LUZP2: variants seen among roughly 807,000 people sequenced by gnomAD.
LUZP2 encodes the protein leucine zipper protein 2.
In LUZP2, 52 loss-of-function variants were observed where a neutral mutation model predicts 51.6. That is an observed-to-expected ratio of 1.01 (90% CI 0.81 to 1.27). LUZP2 has a LOEUF of 1.27. Among genes scored for constraint, LUZP2 ranks in the 50% most tolerant of loss-of-function variants. LUZP2 has a pLI of 0.00. For missense variants in LUZP2, 436 were observed against 395.4 expected, an observed-to-expected ratio of 1.10 and a Z score of -0.87; for synonymous variants, 154 against 137.3, an observed-to-expected ratio of 1.12 and a Z score of -0.85.
At chr11:24,729,336 A>G (rs1858620838) in intron 2 of LUZP2, 50 bp downstream of exon 2, 1 of 963,784 alleles carries the variant, frequency 1.0e-6, no homozygotes, top group African/African-American at 1.7e-5. Context: ...CAGTCATCTG[A>G]TTTTCTGAGT....
intron 7 of LUZP2, among the ~76,000 whole-genome samples, chr11:24,924,131 G>T (rs1565115666): frequency 6.6e-6 from 1 of 150,952 alleles, no homozygotes; most frequent in Admixed American, 6.6e-5. Context: ...AGGCTGGAGT[G>T]CAGTGGCGTG....
chr11:24,794,467 C>G (rs2716546), intron 5 of LUZP2, among the ~76,000 whole-genome samples: 152,247 of 152,276 alleles, frequency 1, 76,109 homozygotes, highest in Non-Finnish European at 1. Flanking sequence ...TCCTTGAAGG[C>G]GAATCAAGAG....
chr11:24,557,948 TGTGTGTCTGTGAGG>T (rs1382450224), intron 1 of LUZP2, among the ~76,000 whole-genome samples: 1 of 152,094 alleles, frequency 6.6e-6, no homozygotes, highest in Non-Finnish European at 1.5e-5. Context: ...AGCTGCCCCA[TGTGTGTCTGTGAGG>T]GTGTTTGCAG....
At chr11:24,917,246 T>A (rs1020824083) in intron 7 of LUZP2, among the ~76,000 whole-genome samples, 1 of 152,188 alleles carries the variant, frequency 6.6e-6, no homozygotes, top group Admixed American at 6.5e-5. Flanking sequence ...CTTTGACAGA[T>A]GAGTAGATTG....
chr11:25,008,325 C>A (rs1324421075), intron 9 of LUZP2, among the ~76,000 whole-genome samples: 1 of 152,210 alleles, frequency 6.6e-6, no homozygotes, highest in African/African-American at 2.4e-5. Flanking sequence ...ATGGCAGCAA[C>A]CATGGAGGCC....
intron 1 of LUZP2, among the ~76,000 whole-genome samples, chr11:24,521,065 G>T (rs1850623014): frequency 1.3e-5 from 2 of 152,154 alleles, no homozygotes; most frequent in African/African-American, 4.8e-5. Flanking sequence ...AAAACAGATT[G>T]TGTGGCTGGG....
At chr11:24,919,656 A>T (rs1179695038) in intron 7 of LUZP2, among the ~76,000 whole-genome samples, 1 of 148,920 alleles carries the variant, frequency 6.7e-6, no homozygotes, top group Admixed American at 6.8e-5. Context: ...GTATGTTTAT[A>T]CATGCATACA....
intron 5 of LUZP2, among the ~76,000 whole-genome samples, chr11:24,785,568 TAAGAA>T (rs997040679): frequency 1.3e-5 from 2 of 151,936 alleles, no homozygotes; most frequent in Admixed American, 1.3e-4. Context: ...AATATAAATA[TAAGAA>T]GAGTATGACA....
intron 5 of LUZP2, among the ~76,000 whole-genome samples, chr11:24,875,574 T>C (rs1415269859): frequency 6.8e-6 from 1 of 146,984 alleles, no homozygotes; most frequent in Admixed American, 6.9e-5. Flanking sequence ...CGTGTGCATG[T>C]GTTTTTATAG....
intron 5 of LUZP2, among the ~76,000 whole-genome samples, chr11:24,785,048 A>C (rs975620761): frequency 6.6e-6 from 1 of 151,952 alleles, no homozygotes; most frequent in East Asian, 1.9e-4. Flanking sequence ...ATTTCTGTGG[A>C]TCCATACCTC....
intron 1 of LUZP2, among the ~76,000 whole-genome samples, chr11:24,574,214 T>TCC (rs1288838064): frequency 5.5e-3 from 16 of 2,906 alleles, no homozygotes; most frequent in Non-Finnish European, 0.011. Flanking sequence ...CTTCCTTCCT[T>TCC]TCTTTCTTTC....
At chr11:24,623,812 A>T (rs560842560) in intron 1 of LUZP2, among the ~76,000 whole-genome samples, 1 of 152,264 alleles carries the variant, frequency 6.6e-6, no homozygotes, top group South Asian at 2.1e-4. Context: ...ACGCCACTGC[A>T]CTCCAGCCTG....
chr11:24,873,788 C>T (rs1454797216), intron 5 of LUZP2, among the ~76,000 whole-genome samples: 2 of 152,184 alleles, frequency 1.3e-5, no homozygotes, highest in Non-Finnish European at 2.9e-5. Flanking sequence ...TGACATTGAA[C>T]AAGTCCCTTG....
At chr11:24,915,036 A>G (rs1853750432) in intron 7 of LUZP2, among the ~76,000 whole-genome samples, 1 of 152,128 alleles carries the variant, frequency 6.6e-6, no homozygotes, top group Admixed American at 6.6e-5. Flanking sequence ...GAAAATTTTT[A>G]TGACTTAAAA....
intron 7 of LUZP2, among the ~76,000 whole-genome samples, chr11:24,931,785 G>A (rs1344774213): frequency 6.6e-6 from 1 of 152,072 alleles, no homozygotes; most frequent in African/African-American, 2.4e-5. Context: ...GAACTAGTGT[G>A]GTCTTTTGAG....
chr11:24,820,050 G>A (rs1055607905), intron 5 of LUZP2, among the ~76,000 whole-genome samples: 10 of 152,150 alleles, frequency 6.6e-5, no homozygotes, highest in South Asian at 2.1e-4. Context: ...TTTACTGAGC[G>A]ATATACACAA....
At chr11:24,967,481 A>G (rs1017944508) in intron 7 of LUZP2, among the ~76,000 whole-genome samples, 44 of 151,250 alleles carry the variant, frequency 2.9e-4, no homozygotes, top group African/African-American at 9.5e-4. Context: ...TCTTTTTTTC[A>G]TACTCTTTTC....
intron 5 of LUZP2, among the ~76,000 whole-genome samples, chr11:24,784,474 T>C (rs1436110513): frequency 6.6e-6 from 1 of 152,046 alleles, no homozygotes; most frequent in Non-Finnish European, 1.5e-5. Flanking sequence ...TTCCATCCTT[T>C]GGAAGTTGCT....
At position 25,022,017 on chromosome 11, in the gene LUZP2, G is replaced by A. The variant is rs565380087; in HGVS notation, c.766-28021G>A. On this transcript the variant is annotated intron_variant, in intron 9 of 11. Coordinates refer to ENST00000336930, the MANE Select transcript of LUZP2 (RefSeq NM_001009909.4). ...TATCACCTTCTTTTGGTTCATTAAG[G>A]TTAGAAATGTTTTTCCCTCCTCAGT... Among the ~76,000 whole-genome samples the A allele has an allele frequency of 2.6e-5, 4 of 152,032 alleles. No homozygotes were observed. In the South Asian group the frequency reaches 6.2e-4, roughly 24 times the overall value.
Sources: gnomAD v4.1 joint callset for allele counts (sites outside exome capture counted in the v4.1 genomes callset) on GRCh38, gnomAD v4.1.1 for gene constraint, MANE v1.5 for transcripts, NCBI Gene and HGNC (gene_info 2026-07-23, HGNC 2026-07-21) for gene names.